The following CNTNAP2 variants were observed in gnomAD, a reference collection of about 807,000 sequenced individuals.
The protein encoded by CNTNAP2 is contactin associated protein 2.
Under a neutral mutation model 155.2 loss-of-function variants are expected in CNTNAP2, and 98 were observed. The ratio of observed to expected loss-of-function variants is 0.63; its 90% CI spans 0.54 to 0.75. The LOEUF is 0.75. Ranked by LOEUF, CNTNAP2 falls within the 30% of genes least tolerant of loss-of-function variation. CNTNAP2 has a pLI of 0.00. For missense variants in CNTNAP2, 1,727 were observed against 1,688.1 expected, an observed-to-expected ratio of 1.02 and a Z score of -0.40; for synonymous variants, 651 against 631.2, an observed-to-expected ratio of 1.03 and a Z score of -0.47.
intron 1 of CNTNAP2, among the ~76,000 whole-genome samples, chr7:146,734,774 C>G (rs1404285855): frequency 6.6e-6 from 1 of 152,156 alleles, no homozygotes; most frequent in Non-Finnish European, 1.5e-5. Flanking sequence ...TCTGCCATTA[C>G]TTAATGATGC....
chr7:147,720,524 G>C (rs972270764), intron 13 of CNTNAP2, among the ~76,000 whole-genome samples: 1 of 152,084 alleles, frequency 6.6e-6, no homozygotes, highest in Non-Finnish European at 1.5e-5. Context: ...GTTAGGCTTT[G>C]TGTCCCCACA....
chr7:146,713,335 C>G (rs1306039553), intron 1 of CNTNAP2, among the ~76,000 whole-genome samples: 1 of 152,110 alleles, frequency 6.6e-6, no homozygotes, highest in Non-Finnish European at 1.5e-5. Context: ...AGTGTTCCAT[C>G]ATTTGCACTA....
chr7:146,716,456 C>T (rs1170907786), intron 1 of CNTNAP2, among the ~76,000 whole-genome samples: 1 of 152,080 alleles, frequency 6.6e-6, no homozygotes, highest in Non-Finnish European at 1.5e-5. Flanking sequence ...TTAAATTGTC[C>T]CCAAAGTGTT....
intron 13 of CNTNAP2, among the ~76,000 whole-genome samples, chr7:147,734,251 T>C (rs140599402): frequency 0.19 from 28,358 of 152,188 alleles, 3,047 homozygotes; most frequent in Middle Eastern, 0.38. Flanking sequence ...GTCAAAGGCC[T>C]TTTCTGCATC....
intron 14 of CNTNAP2, among the ~76,000 whole-genome samples, chr7:147,977,496 G>A (rs1025744799): frequency 7.9e-5 from 12 of 152,134 alleles, no homozygotes; most frequent in South Asian, 2.1e-4. Context: ...TTATTCAAGC[G>A]ACCAGGTTGA....
intron 13 of CNTNAP2, among the ~76,000 whole-genome samples, chr7:147,826,569 C>G (rs1333743941): frequency 1.3e-5 from 2 of 152,132 alleles, no homozygotes; most frequent in Non-Finnish European, 2.9e-5. Context: ...TTATCAAATT[C>G]AAATTTAATG....
At chr7:147,120,831 C>T (rs1348723148) in intron 5 of CNTNAP2, 148 bp from the exon 6 acceptor site, 5 of 727,758 alleles carry the variant, frequency 6.9e-6, no homozygotes, top group East Asian at 2.7e-5. Context: ...TTTTAAGTGT[C>T]GTTACTTACT....
intron 1 of CNTNAP2, among the ~76,000 whole-genome samples, chr7:146,295,548 T>G (rs952627674): frequency 2.0e-5 from 3 of 152,134 alleles, no homozygotes; most frequent in African/African-American, 7.2e-5. Context: ...TATGTGATAA[T>G]CTAAATACAT....
intron 2 of CNTNAP2, among the ~76,000 whole-genome samples, chr7:146,809,905 A>C (rs1045585187): frequency 6.6e-6 from 1 of 151,962 alleles, no homozygotes. Flanking sequence ...TTGGTGTCTT[A>C]TCCAAAAAAT....
intron 20 of CNTNAP2, among the ~76,000 whole-genome samples, chr7:148,248,203 A>ATT (rs35875873): frequency 1.5e-4 from 22 of 147,618 alleles, no homozygotes; most frequent in Admixed American, 4.0e-4. Flanking sequence ...CTGTTCTATA[A>ATT]TTTTTTTTTT....
intron 10 of CNTNAP2, among the ~76,000 whole-genome samples, chr7:147,422,079 G>T (rs747809565): frequency 2.4e-4 from 34 of 142,918 alleles, no homozygotes; most frequent in Non-Finnish European, 4.7e-4. Context: ...TAGTGTGTGT[G>T]TGTGTAACTA....
chr7:147,803,777 G>C (rs189070733), intron 13 of CNTNAP2, among the ~76,000 whole-genome samples: 1 of 152,250 alleles, frequency 6.6e-6, no homozygotes, highest in East Asian at 1.9e-4. Flanking sequence ...GTGAATACTT[G>C]TCTGCAGGAA....
intron 15 of CNTNAP2, among the ~76,000 whole-genome samples, chr7:148,022,006 G>C (rs1802287157): frequency 2.0e-5 from 3 of 152,088 alleles, no homozygotes; most frequent in Non-Finnish European, 4.4e-5. Flanking sequence ...GCCACTCGAC[G>C]ATGGTTTTGA....
At chr7:147,130,710 TTGAC>T (rs1280038871) in intron 7 of CNTNAP2, among the ~76,000 whole-genome samples, 1 of 152,022 alleles carries the variant, frequency 6.6e-6, no homozygotes, top group African/African-American at 2.4e-5. Context: ...TTCAGTGAAA[TTGAC>T]TGAGCACTCA....
intron 1 of CNTNAP2, among the ~76,000 whole-genome samples, chr7:146,249,759 A>G (rs1336596087): frequency 6.6e-6 from 1 of 152,206 alleles, no homozygotes; most frequent in Middle Eastern, 3.2e-3. Context: ...AGTTTATTTC[A>G]AAGCCTTTTG....
intron 12 of CNTNAP2, among the ~76,000 whole-genome samples, chr7:147,608,930 G>T (rs1381094771): frequency 6.6e-6 from 1 of 152,144 alleles, no homozygotes; most frequent in Non-Finnish European, 1.5e-5. Flanking sequence ...TGCTCAGTCG[G>T]GGAGCTTCTG....
intron 1 of CNTNAP2, among the ~76,000 whole-genome samples, chr7:146,199,924 A>G (rs911627955): frequency 5.9e-5 from 9 of 152,216 alleles, no homozygotes; most frequent in African/African-American, 2.2e-4. Flanking sequence ...TACCATAAGC[A>G]GTGGCTAGCT....
chr7:146,813,644 T>G lies in CNTNAP2; in HGVS notation c.209-26067T>G, dbSNP rs144854782. ...TAGACTTGGACTTTTGGGTTAATGC[T>G]GGAATGAGTTAAGACTTTGGGAGAC... On this transcript the variant is annotated intron_variant, in intron 2 of 23. Coordinates refer to ENST00000361727, the MANE Select transcript of CNTNAP2 (RefSeq NM_014141.6). 1.9e-3 allele frequency among the ~76,000 whole-genome samples: 293 copies of G among 152,294 alleles called. 2 individuals are homozygous for G. Among genetic ancestry groups the G allele is most frequent in the African/African-American group, 6.5e-3 (271 of 41,570 alleles).
intron 21 of CNTNAP2, among the ~76,000 whole-genome samples, chr7:148,379,878 C>T (rs1374933073): frequency 6.6e-6 from 1 of 152,208 alleles, no homozygotes; most frequent in Non-Finnish European, 1.5e-5. Flanking sequence ...TCTTTCATTT[C>T]TCACAACACT....
Sources: gnomAD v4.1 joint callset for allele counts (sites outside exome capture counted in the v4.1 genomes callset) on GRCh38, gnomAD v4.1.1 for gene constraint, MANE v1.5 for transcripts, NCBI Gene and HGNC (gene_info 2026-07-23, HGNC 2026-07-21) for gene names.